The following CDCA8 variants were observed in gnomAD, a reference collection of about 807,000 sequenced individuals.
CDCA8 encodes borealin.
In CDCA8, 25 loss-of-function variants were observed where a neutral mutation model predicts 40.0. That is an observed-to-expected ratio of 0.63 (90% CI 0.46 to 0.87). CDCA8 has a LOEUF of 0.87. CDCA8 is among the 40% of genes least tolerant of loss of function. CDCA8 has a pLI of 0.00. For missense variants in CDCA8, 280 were observed against 348.4 expected (o/e 0.80, Z 1.56); for synonymous variants, 111 against 126.5 (o/e 0.88, Z 0.82).
intron 4 of CDCA8, 75 bp downstream of exon 4, chr1:37,699,052 C>A (rs557290): frequency 1.0e-6 from 1 of 975,352 alleles, no homozygotes; most frequent in Admixed American, 1.7e-5. Flanking sequence ...GCTCAGGCAG[C>A]GCCTTGTTGG....
In CDCA8 at chr1:37,693,051, T is replaced by C. The variant is rs547981035; in HGVS notation, c.223+18T>C. On this transcript the variant is annotated intron_variant, in intron 2 of 9. Coordinates refer to ENST00000373055, the MANE Select transcript of CDCA8 (RefSeq NM_001256875.2). ...CTACTTCGGTAAGAGCTGGAGAGCT[T>C]CCCTGGGCGGAGGCCAGGAGCCCCT... is the stretch of plus-strand genomic sequence containing the variant. 3 of 1,612,298 alleles carry C rather than the reference T, an allele frequency of 1.9e-6. No homozygotes were observed. The South Asian group carries it at 3.3e-5, about 18-fold the overall frequency.
chr1:37,699,142 T>C (rs967026099), intron 4 of CDCA8, among the ~76,000 whole-genome samples, 165 bp downstream of exon 4: 27 of 152,128 alleles, frequency 1.8e-4, no homozygotes, highest in Admixed American at 1.6e-3. Flanking sequence ...TTTAGTTAAT[T>C]TTTTTTCCCC....
chr1:37,704,897 C>T (rs561407062), intron 7 of CDCA8, among the ~76,000 whole-genome samples: 1 of 152,128 alleles, frequency 6.6e-6, no homozygotes, highest in Non-Finnish European at 1.5e-5. Context: ...ATCCACCCCC[C>T]TCGGCCTCCC....
chr1:37,702,951 C>CA (rs35993657), intron 6 of CDCA8, among the ~76,000 whole-genome samples: 68,651 of 128,246 alleles, frequency 0.54, 16,981 homozygotes, highest in East Asian at 0.73. Context: ...GACTCCGTCT[C>CA]AAAAAAAAAA....
At chr1:37,701,904 G>A in intron 6 of CDCA8, 86 bp downstream of exon 6, 1 of 961,584 alleles carries the variant, frequency 1.0e-6, no homozygotes, top group South Asian at 1.4e-5. Flanking sequence ...CAGTGAAAAG[G>A]CTCTGGTGGC....
rs1415381117 is a variant in CDCA8, at chr1:37,705,563, G to A, written c.707G>A (p.Gly236Glu). 2.5e-6 allele frequency: 4 copies of A among 1,612,906 alleles called. No homozygotes were observed. The highest frequency in any genetic ancestry group is 3.4e-6 in the Non-Finnish European group (4 of 1,179,914). Residue 236 changes from glycine (G) to glutamate (E), a missense_variant, in exon 8 of 10, where the codon GGA becomes GAA. Transcript: ENST00000373055. ...TTCCTCACTGTGCCAGTGGGCGGCGGAGAGGTGAAGTATTTCCAAGGGAAG... is the reference window on the plus strand; with the variant it reads ...TTCCTCACTGTGCCAGTGGGCGGCGAAGAGGTGAAGTATTTCCAAGGGAAG... ...EIFLTVPVGG[G>E]ESLRLLASDL...
intron 3 of CDCA8, among the ~76,000 whole-genome samples, chr1:37,697,348 A>G (rs1164513471): frequency 6.6e-6 from 1 of 152,254 alleles, no homozygotes; most frequent in African/African-American, 2.4e-5. Flanking sequence ...AGAGGAAACC[A>G]GGCTTCTAGG....
At chr1:37,705,897 C>T (rs961543721) in intron 8 of CDCA8, among the ~76,000 whole-genome samples, 21 of 149,564 alleles carry the variant, frequency 1.4e-4, no homozygotes, top group African/African-American at 5.0e-4. Context: ...GCAACCTCTG[C>T]CTCCTGGGTT....
rs1463680008 is a variant in CDCA8 at position 37,693,958 on chromosome 1, A to C, written c.223+925A>C. 8.5e-5 allele frequency among the ~76,000 whole-genome samples: 13 copies of C among 152,100 alleles called. No homozygotes were observed. The South Asian group carries it at 2.7e-3, about 32-fold the overall frequency. ...TTCGAGACCAGCCTGACCAACATGGAGAAACCCTGTCTCTACTAAAAATAC... is the reference window on the plus strand; with the variant it reads ...TTCGAGACCAGCCTGACCAACATGGCGAAACCCTGTCTCTACTAAAAATAC... On this transcript the variant is annotated intron_variant, in intron 2 of 9. Coordinates refer to ENST00000373055, the MANE Select transcript of CDCA8 (RefSeq NM_001256875.2).
At position 37,696,008 on chromosome 1, in the gene CDCA8, G is replaced by C. The variant is rs1645524324; in HGVS notation, c.264+58G>C. 2 of 1,439,926 alleles carry C rather than the reference G, an allele frequency of 1.4e-6. No homozygotes were observed. The highest frequency in any genetic ancestry group is 2.0e-6 in the Non-Finnish European group (2 of 1,023,454). 89.2% of individuals were successfully genotyped at this position (1,439,926 alleles called of 1,614,324 possible). On this transcript the variant is annotated intron_variant, in intron 3 of 9. Transcript: ENST00000373055. This position sits in a 1 kb window ranked among gnomAD's most constrained non-coding sequence, Gnocchi z 5.0. ...TTACTTAAGTCTAGTCCAGTCCCCA[G>C]ATCCAACTAATAGATGCTTACTGTG...
intron 9 of CDCA8, 81 bp from the exon 10 acceptor site, chr1:37,708,241 G>A: frequency 1.7e-6 from 2 of 1,209,462 alleles, no homozygotes; most frequent in Non-Finnish European, 2.5e-6. Context: ...GAATGGAGGG[G>A]CTCAGGCTGA....
chr1:37,705,376 A>C (rs1645591230), intron 7 of CDCA8, 65 bp from the exon 8 acceptor site: 1 of 1,507,884 alleles, frequency 6.6e-7, no homozygotes, highest in African/African-American at 1.4e-5. Flanking sequence ...TAAGGTTAAA[A>C]TGGCCTATAG....
At chr1:37,700,659 A>C in intron 5 of CDCA8, 138 bp downstream of exon 5, 1 of 626,078 alleles carries the variant, frequency 1.6e-6, no homozygotes, top group South Asian at 1.8e-5. Flanking sequence ...CAAAAGAGAT[A>C]ATTGACTGGT....
intron 6 of CDCA8, among the ~76,000 whole-genome samples, chr1:37,702,710 G>T (rs1015337526): frequency 3.2e-4 from 49 of 152,118 alleles, no homozygotes; most frequent in African/African-American, 1.2e-3. Flanking sequence ...CCAGCACTTT[G>T]GGAGGCCAAG....
At chr1:37,702,506 A>G (rs1157545776) in intron 6 of CDCA8, among the ~76,000 whole-genome samples, 1 of 152,172 alleles carries the variant, frequency 6.6e-6, no homozygotes. Flanking sequence ...ATGTGGGGGA[A>G]GGTACAGCAG....
rs1645626149 is a variant in CDCA8 at position 37,709,679 on chromosome 1, C to T, written c.*1313C>T. 1.3e-5 allele frequency: 2 copies of T among 152,060 alleles called. No individual in the cohort carries two copies. The highest frequency in any genetic ancestry group is 4.8e-5 in the African/African-American group (2 of 41,398). 9.4% of individuals were successfully genotyped at this position (152,060 alleles called of 1,614,324 possible). On this transcript the variant is annotated 3_prime_UTR_variant, in exon 10 of 10. Transcript: ENST00000373055. ...CTGATTGTTCTAATCAGAGCTGGTA[C>T]CTACTTTCAATAAATTCTGGTTTTG...
chr1:37,697,424 G>C lies in CDCA8; in HGVS notation c.264+1474G>C, dbSNP rs145898784. Among the ~76,000 whole-genome samples the C allele has an allele frequency of 5.3e-3, 814 of 152,330 alleles. 6 individuals carry two copies. The highest frequency in any genetic ancestry group is 0.018 in the African/African-American group (755 of 41,568). On this transcript the variant is annotated intron_variant, in intron 3 of 9. Coordinates refer to ENST00000373055, the MANE Select transcript of CDCA8 (RefSeq NM_001256875.2). ...AACACATATGAAATGCTGTCTACCA[G>C]AAAATCTGATTAGAGAGTCAATGCC...
Position 37,692,612 on chromosome 1 carries a change from G to T in CDCA8, c.-79G>T. 4 of 1,177,636 alleles carry T rather than the reference G, an allele frequency of 3.4e-6. No individual in the cohort carries two copies. Among genetic ancestry groups the T allele is most frequent in the Non-Finnish European group, 3.7e-6 (3 of 804,754 alleles). The allele number at this position is 1,177,636 out of a possible 1,614,324, so 72.9% of individuals were successfully genotyped here. On this transcript the variant is annotated 5_prime_UTR_variant, in exon 1 of 10. Transcript: ENST00000373055. The stretch of plus-strand genomic sequence containing the variant: ...CTGGCGACTTCTTCGGGTGGTCCCC[G>T]TCCGCCCTCCTCGTCCCTACCCAGT...
intron 5 of CDCA8, 70 bp from the exon 6 acceptor site, chr1:37,701,684 A>C (rs1645565040): frequency 3.9e-6 from 4 of 1,033,276 alleles, no homozygotes; most frequent in African/African-American, 3.4e-5. Context: ...AAAAAAAAAA[A>C]AAAAACCCTC....
Sources: gnomAD v4.1 joint callset for allele counts (sites outside exome capture counted in the v4.1 genomes callset) on GRCh38, gnomAD v4.1.1 for gene constraint, Gnocchi (gnomAD v3.1) non-coding constraint, MANE v1.5 for transcripts, NCBI Gene and HGNC (gene_info 2026-07-23, HGNC 2026-07-21) for gene names.